The following MAP7D2 variants were observed in gnomAD, a reference collection of about 807,000 sequenced individuals.
MAP7D2 encodes MAP7 domain-containing protein 2.
MAP7D2 carries 33 observed loss-of-function variants against 63.5 expected under a neutral mutation model. The ratio of observed to expected loss-of-function variants is 0.52; its 90% CI spans 0.39 to 0.70. The LOEUF (loss-of-function observed/expected upper bound fraction) is 0.70, where lower values mean the gene tolerates loss of function less well. Among genes scored for constraint, MAP7D2 ranks in the 30% least tolerant of loss-of-function variants. The probability of loss-of-function intolerance (pLI) is 0.00; values close to 1 mark genes in which losing one functional copy is unlikely to be tolerated. For missense variants in MAP7D2, 626 were observed against 604.0 expected, an observed-to-expected ratio of 1.04 and a Z score of -0.38; for synonymous variants, 224 against 223.7, an observed-to-expected ratio of 1.00 and a Z score of -0.01.
At chrX:20,073,703 G>T (rs1480234145) in intron 1 of MAP7D2, among the ~76,000 whole-genome samples, 8 of 106,526 alleles carry the variant, frequency 7.5e-5, no homozygotes, top group Non-Finnish European at 1.2e-4. Flanking sequence ...CTAATTTTTT[G>T]TTTTAGTAGA....
At chrX:20,111,160 C>T (rs765786384) in intron 1 of MAP7D2, among the ~76,000 whole-genome samples, 44 of 111,680 alleles carry the variant, frequency 3.9e-4, no homozygotes, top group Middle Eastern at 4.6e-3. Flanking sequence ...GACCAGCAGA[C>T]TGTACCAGCA....
chrX:20,037,317 C>T (rs995393598), intron 8 of MAP7D2, among the ~76,000 whole-genome samples: 3 of 111,264 alleles, frequency 2.7e-5, no homozygotes, highest in Non-Finnish European at 5.7e-5. Context: ...TATACATGAT[C>T]GGGCTCGAGC....
chrX:20,048,708 G>A (rs1244723682), intron 6 of MAP7D2, among the ~76,000 whole-genome samples: 3 of 109,773 alleles, frequency 2.7e-5, no homozygotes, highest in East Asian at 2.9e-4. Context: ...GATGGGTCGC[G>A]CTTGAGCCCA....
At chrX:20,089,569 A>G (rs1237375320) in intron 1 of MAP7D2, among the ~76,000 whole-genome samples, 2 of 112,212 alleles carry the variant, frequency 1.8e-5, no homozygotes, top group African/African-American at 6.5e-5. Context: ...AACTTGTTCA[A>G]AATGTGGACT....
intron 4 of MAP7D2, among the ~76,000 whole-genome samples, chrX:20,053,912 C>T (rs780026401): frequency 3.6e-5 from 4 of 111,591 alleles, no homozygotes; most frequent in African/African-American, 6.5e-5. Context: ...GGCACGATCT[C>T]GGCTCACTGC....
chrX:20,057,843 T>C (rs1397216286), intron 3 of MAP7D2, among the ~76,000 whole-genome samples: 5 of 112,482 alleles, frequency 4.4e-5, no homozygotes, highest in Admixed American at 9.4e-5. Context: ...TGAGTAACCA[T>C]GACTTAAAGA....
intron 10 of MAP7D2, among the ~76,000 whole-genome samples, chrX:20,022,885 T>C (rs1308493318): frequency 2.7e-5 from 3 of 112,499 alleles, no homozygotes; most frequent in African/African-American, 9.7e-5. Context: ...ATCTATAGAT[T>C]TGTGCTGCCC....
In MAP7D2 at chrX:20,064,826, TTA is replaced by T. The variant is rs763559355; in HGVS notation, c.131-23_131-22del. ...CATGCCTACAAAGGAGAAAACTAGA[TTA>T]TGTTTCAGTTCTTCACTCTTTCCCT... On this transcript the variant is annotated intron_variant, in intron 1 of 16. Coordinates refer to ENST00000379643, the MANE Select transcript of MAP7D2 (RefSeq NM_001168465.2). 381 of 1,181,109 alleles carry T rather than the reference TTA, an allele frequency of 3.2e-4. 1 individual carries two copies. The South Asian group carries it at 6.6e-3, about 20-fold the overall frequency.
chrX:20,083,401 G>T (rs931186321), intron 1 of MAP7D2, among the ~76,000 whole-genome samples: 2 of 111,714 alleles, frequency 1.8e-5, no homozygotes, highest in African/African-American at 6.5e-5. Flanking sequence ...TGCACTACAG[G>T]TATGCCTGAG....
At chrX:20,039,414 G>T in intron 8 of MAP7D2, among the ~76,000 whole-genome samples, 1 of 112,161 alleles carries the variant, frequency 8.9e-6, no homozygotes. Context: ...TTGGGTTGGG[G>T]ATTGGTATGC....
chrX:20,015,656 A>G (rs1164279280), intron 11 of MAP7D2, among the ~76,000 whole-genome samples: 2 of 112,329 alleles, frequency 1.8e-5, no homozygotes, highest in Non-Finnish European at 3.8e-5. Flanking sequence ...ACCTTCTACT[A>G]CCGTGAAGGG....
At chrX:20,101,743 G>A (rs1426865021) in intron 1 of MAP7D2, among the ~76,000 whole-genome samples, 4 of 112,448 alleles carry the variant, frequency 3.6e-5, no homozygotes, top group African/African-American at 1.3e-4. Context: ...ACTGGTACCT[G>A]TGACAACATA....
At chrX:20,062,392 T>C (rs1233274083) in intron 3 of MAP7D2, among the ~76,000 whole-genome samples, 3 of 111,133 alleles carry the variant, frequency 2.7e-5, no homozygotes, top group Non-Finnish European at 5.7e-5. Flanking sequence ...TAGACCTCAT[T>C]TTCTAAGAGG....
intron 1 of MAP7D2, among the ~76,000 whole-genome samples, chrX:20,103,226 T>A (rs1217692481): frequency 8.9e-6 from 1 of 111,843 alleles, no homozygotes; most frequent in Non-Finnish European, 1.9e-5. Context: ...ATCTAATGGT[T>A]TGGTAATGGC....
At chrX:20,066,680 A>G (rs970300381) in intron 1 of MAP7D2, among the ~76,000 whole-genome samples, 2 of 111,330 alleles carry the variant, frequency 1.8e-5, no homozygotes, top group Admixed American at 1.9e-4. Flanking sequence ...CCTTTCTCCC[A>G]TGCACCTTCT....
chrX:20,026,251 C>T (rs745813084), intron 8 of MAP7D2, among the ~76,000 whole-genome samples: 6 of 112,019 alleles, frequency 5.4e-5, no homozygotes, highest in Non-Finnish European at 1.1e-4. Context: ...CACTTCCCTA[C>T]TCCCTCTTTT....
chrX:20,070,678 T>C (rs2065480333), intron 1 of MAP7D2, among the ~76,000 whole-genome samples: 1 of 110,984 alleles, frequency 9.0e-6, no homozygotes, highest in South Asian at 3.8e-4. Context: ...CAGAGGTCTT[T>C]TCCTGGGCAA....
At chrX:20,063,194 C>T (rs1187290917) in intron 3 of MAP7D2, among the ~76,000 whole-genome samples, 1 of 112,379 alleles carries the variant, frequency 8.9e-6, no homozygotes, top group Non-Finnish European at 1.9e-5. Flanking sequence ...CAAGATCACA[C>T]AGCAAATTAA....
intron 3 of MAP7D2, among the ~76,000 whole-genome samples, 160 bp downstream of exon 3, chrX:20,063,254 C>T (rs769724359): frequency 5.0e-4 from 56 of 111,952 alleles, no homozygotes; most frequent in African/African-American, 1.8e-3. Flanking sequence ...AGTGCTGCTT[C>T]GAGTTTCATG....
Sources: allele counts gnomAD v4.1 joint callset (sites outside exome capture counted in the v4.1 genomes callset), GRCh38; gene constraint gnomAD v4.1.1; transcripts MANE v1.5; gene names NCBI Gene and HGNC (gene_info 2026-07-23, HGNC 2026-07-21).